PTBP2: variants seen among roughly 807,000 people sequenced by gnomAD.
PTBP2 encodes the protein polypyrimidine tract binding protein 2.
Under a neutral mutation model 61.4 loss-of-function variants are expected in PTBP2, and 13 were observed. That is an observed-to-expected ratio of 0.21 (90% CI 0.14 to 0.34). The LOEUF is 0.34. Ranked by LOEUF, PTBP2 falls within the 10% of genes least tolerant of loss-of-function variation. The probability of loss-of-function intolerance (pLI) is 1.00; values close to 1 mark genes in which losing one functional copy is unlikely to be tolerated. For missense variants in PTBP2, 405 were observed against 642.6 expected (o/e 0.63, Z 4.00); for synonymous variants, 215 against 218.5 (o/e 0.98, Z 0.14).
At chr1:96,775,169 G>C (rs1657892530) in intron 5 of PTBP2, among the ~76,000 whole-genome samples, 1 of 152,186 alleles carries the variant, frequency 6.6e-6, no homozygotes, top group Admixed American at 6.5e-5. Context: ...CACATAACCA[G>C]AGTGGCTAAA....
intron 3 of PTBP2, among the ~76,000 whole-genome samples, chr1:96,755,805 G>T (rs530437962): frequency 1.3e-5 from 2 of 152,148 alleles, no homozygotes; most frequent in Non-Finnish European, 2.9e-5. Context: ...GCAAATTCAT[G>T]GTTCTTAGGA....
chr1:96,780,190 C>T (rs986067060), intron 7 of PTBP2, among the ~76,000 whole-genome samples: 1 of 152,002 alleles, frequency 6.6e-6, no homozygotes, highest in African/African-American at 2.4e-5. Flanking sequence ...TCGTCTTCTG[C>T]CTGTCAAGAG....
chr1:96,804,968 C>A, intron 9 of PTBP2, 29 bp downstream of exon 9: 3 of 1,472,898 alleles, frequency 2.0e-6, no homozygotes, highest in Non-Finnish European at 2.7e-6. Context: ...AATGTTTATT[C>A]TTTAACTCCA....
chr1:96,794,565 T>C (rs1660176128), intron 8 of PTBP2, among the ~76,000 whole-genome samples: 1 of 152,214 alleles, frequency 6.6e-6, no homozygotes, highest in South Asian at 2.1e-4. Flanking sequence ...CTCATTTCAG[T>C]GTCATCCTGG....
intron 8 of PTBP2, among the ~76,000 whole-genome samples, chr1:96,804,057 A>G (rs927696806): frequency 3.9e-5 from 6 of 152,226 alleles, no homozygotes; most frequent in Non-Finnish European, 7.4e-5. Flanking sequence ...TAGGACAGCA[A>G]TAAGACTGGA....
rs1657185521 is a variant in PTBP2 at position 96,769,817 on chromosome 1, C to G, written c.230C>G (p.Ala77Gly). The change falls in exon 4 of 14, where the codon GCT becomes GGT. Residue 77 changes from alanine to glycine, a missense_variant. This residue lies in a region of PTBP2 where 342 missense variants were observed against 491.2 expected (regional missense o/e 0.70). Coordinates refer to ENST00000674951, the MANE Select transcript of PTBP2 (RefSeq NM_021190.4). ...GAAGTAACAGAAACTGAAGTTATTG[C>G]TTTAGGCTTACCTTTTGGTAAGGTG... is the stretch of plus-strand genomic sequence containing the variant. ...PGEVTETEVIALGLPFGKVTN... is the reference protein window; with the variant it reads ...PGEVTETEVIGLGLPFGKVTN... 1.2e-6 allele frequency: 2 copies of G among 1,610,456 alleles called. No individual in the cohort carries two copies. The highest frequency in any genetic ancestry group is 2.7e-5 in the African/African-American group (2 of 74,734).
chr1:96,725,801 C>T (rs114859116), intron 2 of PTBP2, among the ~76,000 whole-genome samples: 6,011 of 151,738 alleles, frequency 0.04, 385 homozygotes, highest in African/African-American at 0.14. Flanking sequence ...AAATTCAGGC[C>T]GGGCGCGGTG....
At chr1:96,807,011 A>ACATTCACAT in intron 11 of PTBP2, 53 bp downstream of exon 11, 2 of 1,336,210 alleles carry the variant, frequency 1.5e-6, no homozygotes, top group Non-Finnish European at 2.1e-6. Context: ...TTTCAAATGC[A>ACATTCACAT]TAATGTGAAT....
In PTBP2 at chr1:96,721,885, G is replaced by A; in HGVS notation, c.8+13G>A. 1.3e-6 allele frequency: 2 copies of A among 1,574,710 alleles called. No individual in the cohort carries two copies. Among genetic ancestry groups the A allele is most frequent in the South Asian group, 1.2e-5 (1 of 85,652 alleles). On this transcript the variant is annotated intron_variant, in intron 1 of 13. Transcript: ENST00000674951. The stretch of plus-strand genomic sequence containing the variant: ...CGGCAATGGACGGGTATGTAATCGG[G>A]CCGGCGAGAAGGTGTGTGTGAGAGA...
intron 8 of PTBP2, among the ~76,000 whole-genome samples, chr1:96,791,073 T>C (rs1659739089): frequency 6.6e-6 from 1 of 152,106 alleles, no homozygotes; most frequent in African/African-American, 2.4e-5. Context: ...GATATACATC[T>C]CTCAGGTGTT....
At chr1:96,746,671 T>G (rs1301636370) in intron 2 of PTBP2, among the ~76,000 whole-genome samples, 2 of 147,938 alleles carry the variant, frequency 1.4e-5, no homozygotes, top group Non-Finnish European at 1.5e-5. Flanking sequence ...TCCATTGCAC[T>G]CTAGCTTGGT....
rs1465510703 is a variant in PTBP2, at chr1:96,813,898, A to G, written c.*493A>G. The G allele has an allele frequency of 2.0e-5, 3 of 152,414 alleles. No homozygotes were observed. Among genetic ancestry groups the G allele is most frequent in the African/African-American group, 7.2e-5 (3 of 41,420 alleles). The allele number at this position is 152,414 out of a possible 1,614,324, so 9.4% of individuals were successfully genotyped here. ...TGTCACCTTTTTTTCTATTTAATCA[A>G]ATAAGATACATGATATTGAAAGAAT... On this transcript the variant is annotated 3_prime_UTR_variant, in exon 14 of 14. Coordinates refer to ENST00000674951, the MANE Select transcript of PTBP2 (RefSeq NM_021190.4).
At chr1:96,727,911 G>A (rs1032033753) in intron 2 of PTBP2, among the ~76,000 whole-genome samples, 1 of 152,038 alleles carries the variant, frequency 6.6e-6, no homozygotes, top group African/African-American at 2.4e-5. Flanking sequence ...TTTATGGATT[G>A]TAGTTTTGGG....
intron 8 of PTBP2, 129 bp downstream of exon 8, chr1:96,785,383 C>G (rs1194648920): frequency 4.5e-6 from 3 of 667,850 alleles, no homozygotes; most frequent in Non-Finnish European, 7.0e-6. Flanking sequence ...TTCTTTTTCT[C>G]AAGTGAGAAG....
intron 2 of PTBP2, among the ~76,000 whole-genome samples, chr1:96,747,950 A>G (rs147312715): frequency 6.8e-6 from 1 of 147,162 alleles, no homozygotes; most frequent in African/African-American, 2.5e-5. Flanking sequence ...TGTTTTCTCT[A>G]TTTTTATTGG....
intron 2 of PTBP2, among the ~76,000 whole-genome samples, chr1:96,741,628 T>A (rs1653043377): frequency 6.6e-6 from 1 of 152,176 alleles, no homozygotes; most frequent in South Asian, 2.1e-4. Flanking sequence ...TTTACACTGA[T>A]GAATAGTTGT....
chr1:96,754,849 A>C (rs1654980832), intron 3 of PTBP2, among the ~76,000 whole-genome samples: 1 of 152,164 alleles, frequency 6.6e-6, no homozygotes, highest in Admixed American at 6.5e-5. Flanking sequence ...TGCATATGAA[A>C]ATTAACTCCA....
intron 1 of PTBP2, 60 bp downstream of exon 1, chr1:96,721,932 C>T (rs1649618611): frequency 6.4e-7 from 1 of 1,554,586 alleles, no homozygotes; most frequent in Non-Finnish European, 8.7e-7. Context: ...GTCCTTCGGC[C>T]CGGTCCCGGG....
At chr1:96,732,731 T>C (rs1235145408) in intron 2 of PTBP2, among the ~76,000 whole-genome samples, 1 of 152,124 alleles carries the variant, frequency 6.6e-6, no homozygotes, top group Admixed American at 6.6e-5. Context: ...CTAGCTAGAT[T>C]GGGAGATAGG....
Sources: gnomAD v4.1 joint callset for allele counts (sites outside exome capture counted in the v4.1 genomes callset) on GRCh38, gnomAD v4.1.1 for gene constraint, gnomAD v4.1.1 regional missense constraint, MANE v1.5 for transcripts, NCBI Gene and HGNC (gene_info 2026-07-23, HGNC 2026-07-21) for gene names.